The following TFEC variants were observed in gnomAD, a reference collection of about 807,000 sequenced individuals.
TFEC encodes transcription factor EC.
TFEC carries 31 observed loss-of-function variants against 41.6 expected under a neutral mutation model. The ratio of observed to expected loss-of-function variants is 0.74; its 90% CI spans 0.56 to 1.01. TFEC has a LOEUF of 1.01. Among genes scored for constraint, TFEC ranks in the 50% least tolerant of loss-of-function variants. The pLI is 0.00. For synonymous variants in TFEC, 143 were observed against 140.6 expected, an observed-to-expected ratio of 1.02 and a Z score of -0.12; for missense variants, 402 against 404.1, an observed-to-expected ratio of 0.99 and a Z score of 0.04.
intron 3 of TFEC, among the ~76,000 whole-genome samples, chr7:116,106,508 G>A (rs2116031195): frequency 6.6e-6 from 1 of 152,214 alleles, no homozygotes; most frequent in East Asian, 1.9e-4. Context: ...TCAGCCTCCT[G>A]AGTAGCTGGG....
chr7:116,058,571 CCAA>C (rs1198955969), intron 3 of TFEC, among the ~76,000 whole-genome samples: 2 of 151,470 alleles, frequency 1.3e-5, no homozygotes, highest in Non-Finnish European at 3.0e-5. Flanking sequence ...AGCACTTCAC[CCAA>C]CAACAACAAA....
chr7:116,043,122 C>T (rs113692543), intron 3 of TFEC, among the ~76,000 whole-genome samples: 244 of 152,226 alleles, frequency 1.6e-3, no homozygotes, highest in African/African-American at 5.3e-3. Context: ...CATCTTAAGG[C>T]TTTTATCAAA....
At chr7:116,034,626 C>T (rs1435784186), upstream of TFEC, among the ~76,000 whole-genome samples, 3 of 151,602 alleles carry the variant, frequency 2.0e-5, no homozygotes, top group Admixed American at 6.6e-5. Context: ...GCCGCAAAGA[C>T]CTTACACCTG....
intron 3 of TFEC, among the ~76,000 whole-genome samples, chr7:116,077,072 G>A (rs1421184394): frequency 6.6e-6 from 1 of 152,134 alleles, no homozygotes; most frequent in Non-Finnish European, 1.5e-5. Context: ...ATTAACAGCA[G>A]ATTTCTCAGC....
chr7:116,119,809 T>A (rs1237443014), intron 1 of TFEC, among the ~76,000 whole-genome samples: 11 of 151,826 alleles, frequency 7.2e-5, no homozygotes, highest in African/African-American at 2.7e-4. Context: ...ATAAAATTTA[T>A]CATAGTCTTG....
intron 1 of TFEC, among the ~76,000 whole-genome samples, chr7:116,112,992 G>C (rs1321865291): frequency 6.6e-6 from 1 of 151,918 alleles, no homozygotes; most frequent in African/African-American, 2.4e-5. Flanking sequence ...TTAAACAGCT[G>C]GTCTATGAAT....
chr7:115,944,728 A>G (rs1791431811), intron 6 of TFEC, among the ~76,000 whole-genome samples: 1 of 151,450 alleles, frequency 6.6e-6, no homozygotes, highest in Non-Finnish European at 1.5e-5. Context: ...GATAAGCCCC[A>G]GGTTTCCTCT....
intron 1 of TFEC, among the ~76,000 whole-genome samples, chr7:116,150,115 A>G (rs1253275990): frequency 6.6e-6 from 1 of 152,156 alleles, no homozygotes; most frequent in African/African-American, 2.4e-5. Flanking sequence ...CAAAACACCA[A>G]CATCTTTTTC....
In TFEC at chr7:116,070,162, G is replaced by A. The variant is rs183879993; in HGVS notation, c.198+40546C>T. ...TATATGTATATGTGTGTGTGTGCGCGTGTGTGTATATATACATATAAATGC... is the reference window on the plus strand; with the variant it reads ...TATATGTATATGTGTGTGTGTGCGCATGTGTGTATATATACATATAAATGC... On this transcript the variant is annotated intron_variant, in intron 3 of 8. Transcript: ENST00000484212. Among the ~76,000 whole-genome samples the A allele has an allele frequency of 2.5e-4, 38 of 151,258 alleles. No individual in the cohort carries two copies. In the East Asian group the frequency reaches 2.9e-3, roughly 11 times the overall value.
chr7:116,023,006 G>A (rs1043708223), intron 1 of TFEC, among the ~76,000 whole-genome samples: 3 of 151,546 alleles, frequency 2.0e-5, no homozygotes, highest in Non-Finnish European at 4.4e-5. Flanking sequence ...AATGTAACCA[G>A]CTTGCTTTAA....
At chr7:115,993,320 C>T (rs1794211091) in intron 1 of TFEC, among the ~76,000 whole-genome samples, 1 of 152,154 alleles carries the variant, frequency 6.6e-6, no homozygotes, top group African/African-American at 2.4e-5. Flanking sequence ...CCTCTATCAC[C>T]ACTCCTATTC....
intron 3 of TFEC, among the ~76,000 whole-genome samples, chr7:116,066,563 A>C (rs559572338): frequency 1.3e-5 from 2 of 152,116 alleles, no homozygotes; most frequent in East Asian, 1.9e-4. Flanking sequence ...TGGGAGTAAA[A>C]ATTTTCTTTC....
At chr7:116,033,598 G>T (rs1211061612), upstream of TFEC, among the ~76,000 whole-genome samples, 1 of 151,812 alleles carries the variant, frequency 6.6e-6, no homozygotes, top group East Asian at 1.9e-4. Flanking sequence ...ACTCCCATTT[G>T]TTATCATAGA....
At chr7:116,007,072 T>C (rs1794823343) in intron 1 of TFEC, among the ~76,000 whole-genome samples, 1 of 152,222 alleles carries the variant, frequency 6.6e-6, no homozygotes, top group South Asian at 2.1e-4. Flanking sequence ...ACCAGCAGCA[T>C]GAGAACGGGC....
At chr7:115,958,294 TG>T (rs1792344652) in intron 3 of TFEC, among the ~76,000 whole-genome samples, 2 of 151,916 alleles carry the variant, frequency 1.3e-5, no homozygotes, top group Non-Finnish European at 2.9e-5. Context: ...AAAAAGCAGA[TG>T]TTTTTCTAAG....
rs77751162 is a variant in TFEC, at chr7:116,090,132, C to A, written c.198+20576G>T. The stretch of plus-strand genomic sequence containing the variant: ...CTTTGCAAATCCCCACGTTTTTCTG[C>A]CCAGCAGATGAGAAATTGAAAGTAC... On this transcript the variant is annotated intron_variant, in intron 3 of 8. Transcript: ENST00000484212. 8.5e-3 allele frequency among the ~76,000 whole-genome samples: 1,299 copies of A among 152,268 alleles called. 21 individuals carry two copies. Among genetic ancestry groups the A allele is most frequent in the African/African-American group, 0.029 (1,218 of 41,550 alleles).
intron 1 of TFEC, among the ~76,000 whole-genome samples, chr7:116,137,581 T>C (rs1798457606): frequency 3.3e-5 from 5 of 152,112 alleles, no homozygotes. Context: ...ATTAAGATGA[T>C]TAGAAATGAT....
chr7:115,976,659 T>G (rs554007724), intron 2 of TFEC, among the ~76,000 whole-genome samples: 2 of 152,302 alleles, frequency 1.3e-5, no homozygotes, highest in East Asian at 3.9e-4. Flanking sequence ...TTATTAAACT[T>G]GAATTTTTAT....
chr7:116,054,181 G>A (rs1259835507), intron 3 of TFEC, among the ~76,000 whole-genome samples: 1 of 152,190 alleles, frequency 6.6e-6, no homozygotes. Flanking sequence ...GGAAGGTAAT[G>A]AAATGGTAGA....
Sources: gnomAD v4.1 joint callset for allele counts (sites outside exome capture counted in the v4.1 genomes callset) on GRCh38, gnomAD v4.1.1 for gene constraint, MANE v1.5 for transcripts, NCBI Gene and HGNC (gene_info 2026-07-23, HGNC 2026-07-21) for gene names.